Variants in TSC1 observed in about 807,000 individuals in gnomAD.
TSC1 encodes TSC complex subunit 1.
TSC1 carries 20 observed loss-of-function variants against 124.3 expected under a neutral mutation model. That is an observed-to-expected ratio of 0.16 (90% CI 0.11 to 0.23). The LOEUF (loss-of-function observed/expected upper bound fraction) is 0.23. TSC1 is among the 10% of genes least tolerant of loss of function. TSC1 has a pLI of 1.00. For missense variants in TSC1, 1,124 were observed against 1,448.5 expected (o/e 0.78, Z 3.64); for synonymous variants, 493 against 539.1 (o/e 0.91, Z 1.19).
chr9:132,897,126 C>G, intron 22 of TSC1, 58 bp downstream of exon 22: 2 of 1,611,558 alleles, frequency 1.2e-6, no homozygotes, highest in Non-Finnish European at 8.5e-7. Context: ...GTGACACAGT[C>G]CTTATGCTGG....
At position 132,905,805 on chromosome 9, in the gene TSC1, C is replaced by A. The variant is rs146578402; in HGVS notation, c.1773G>T (p.Pro591=). 6.2e-7 allele frequency: 1 copy of A among 1,614,214 alleles called. No homozygotes were observed. Among genetic ancestry groups the A allele is most frequent in the Non-Finnish European group, 8.5e-7 (1 of 1,180,042 alleles). The change falls in exon 15 of 23, where the codon CCG becomes CCT. Residue 591 remains proline (P), a synonymous_variant. Coordinates refer to ENST00000298552, the MANE Select transcript of TSC1 (RefSeq NM_000368.5). ...FTPSPCKIPP[P]TRVGFGSGQP... is the part of the protein sequence containing the mutation. The stretch of plus-strand genomic sequence containing the variant: ...GCCCGCTTCCAAAGCCCACTCTCGT[C>A]GGAGGTGGAATTTTACAAGGACTGG...
chr9:132,913,782 C>T (rs1370961370), intron 8 of TSC1, among the ~76,000 whole-genome samples: 5 of 141,874 alleles, frequency 3.5e-5, no homozygotes, highest in Admixed American at 1.4e-4. Flanking sequence ...GCCGAGATTA[C>T]GCCACTGCAC....
At chr9:132,940,886 G>T (rs1847702603) in intron 1 of TSC1, 1 of 152,280 alleles carries the variant, frequency 6.6e-6, no homozygotes, top group East Asian at 1.9e-4. Flanking sequence ...TACAGTTCAA[G>T]TTTGTTACTA....
Position 132,900,843 on chromosome 9 carries a change from C to CA in TSC1, c.2503-7dup. 1 of 1,613,858 alleles carries CA rather than the reference C, an allele frequency of 6.2e-7. No homozygotes were observed. Among genetic ancestry groups the CA allele is most frequent in the South Asian group, 1.1e-5 (1 of 91,068 alleles). ...ACCGACTCACTGTTTGAGAGCTAAC[C>CA]AAAAAACATGAGCAAAGTGAAAAAT... On this transcript the variant is annotated splice_region_variant and splice_polypyrimidine_tract_variant and intron_variant, in intron 19 of 22. Coordinates refer to ENST00000298552, the MANE Select transcript of TSC1 (RefSeq NM_000368.5).
Position 132,900,825 on chromosome 9 carries a change from C to T in TSC1, c.2515G>A (p.Glu839Lys), listed in dbSNP as rs2131689008. The change falls in exon 20 of 23, where the codon GAG becomes AAG. Residue 839 changes from glutamate to lysine, a missense_variant. This residue lies in a region of TSC1 where 6 missense variants were observed against 26.6 expected (regional missense o/e 0.23). Transcript: ENST00000298552. ...AACTCCATCTGCTGCTGGACCGACT[C>T]ACTGTTTGAGAGCTAACCAAAAAAC... ...SQVSQKLSNS[E>K]SVQQQMEFLN... 1.9e-6 allele frequency: 3 copies of T among 1,614,114 alleles called. No individual in the cohort carries two copies. The highest frequency in any genetic ancestry group is 2.5e-6 in the Non-Finnish European group (3 of 1,179,996).
chr9:132,915,371 T>C (rs1846222767), intron 8 of TSC1, among the ~76,000 whole-genome samples: 1 of 152,002 alleles, frequency 6.6e-6, no homozygotes, highest in South Asian at 2.1e-4. Flanking sequence ...AATATAATCT[T>C]AAAAGAAAAA....
upstream of TSC1, chr9:132,944,825 G>T (rs1453748214): frequency 1.0e-5 from 4 of 384,450 alleles, no homozygotes; most frequent in African/African-American, 6.2e-5. Context: ...GAGGGGGGCG[G>T]GGCCGGGCGG....
At chr9:132,908,066 G>A (rs182211560) in intron 12 of TSC1, among the ~76,000 whole-genome samples, 13 of 152,262 alleles carry the variant, frequency 8.5e-5, no homozygotes, top group Admixed American at 7.2e-4. Flanking sequence ...CAGCCTGGGC[G>A]ACAGAGTGAG....
intron 1 of TSC1, among the ~76,000 whole-genome samples, chr9:132,936,225 C>G (rs1242716443): frequency 2.0e-5 from 3 of 152,186 alleles, no homozygotes; most frequent in African/African-American, 7.2e-5. Flanking sequence ...AGTGATCCTC[C>G]CACCTCAGCC....
intron 1 of TSC1, among the ~76,000 whole-genome samples, chr9:132,938,849 G>A (rs1564513182): frequency 6.6e-6 from 1 of 152,164 alleles, no homozygotes; most frequent in Admixed American, 6.5e-5. Flanking sequence ...AACAAGTGCT[G>A]TGATATGTGG....
In TSC1 at chr9:132,928,931, C is replaced by A; in HGVS notation, c.-59G>T. 1 of 1,609,672 alleles carries A rather than the reference C, an allele frequency of 6.2e-7. No homozygotes were observed. The highest frequency in any genetic ancestry group is 1.1e-5 in the South Asian group (1 of 90,698). On this transcript the variant is annotated 5_prime_UTR_variant, in exon 3 of 23. Transcript: ENST00000298552. ...ACGTGTGCTACAGGTTCTGAAGGTT[C>A]TTCATTGGGGCCACTACCAAACTGA...
chr9:132,939,591 C>T (rs970211456), intron 1 of TSC1, among the ~76,000 whole-genome samples: 1 of 152,198 alleles, frequency 6.6e-6, no homozygotes, highest in Non-Finnish European at 1.5e-5. Flanking sequence ...ATAAATAATG[C>T]TTACGTTTTG....
rs985885203 is a variant in TSC1, at chr9:132,896,999, C to T, written c.2975+185G>A. On this transcript the variant is annotated intron_variant, in intron 22 of 22. Transcript: ENST00000298552. This position sits in a 1 kb window ranked among gnomAD's most constrained non-coding sequence, Gnocchi z 4.5. ...ATGGAGGGACTCAAGGCCAGGAACA[C>T]GAACACGAAGAGATCACTGGGCGTT... Among the ~76,000 whole-genome samples the T allele has an allele frequency of 1.3e-5, 2 of 152,182 alleles. No individual in the cohort carries two copies. The highest frequency in any genetic ancestry group is 2.9e-5 in the Non-Finnish European group (2 of 68,032).
In TSC1 at chr9:132,912,375, C is replaced by T. The variant is rs1389310342; in HGVS notation, c.820G>A (p.Gly274Ser). 6.2e-7 allele frequency: 1 copy of T among 1,614,144 alleles called. No homozygotes were observed. The highest frequency in any genetic ancestry group is 1.7e-5 in the Admixed American group (1 of 60,004). The change falls in exon 9 of 23, where the codon GGC (glycine) becomes AGC (serine). Residue 274 changes from glycine (G) to serine (S), a missense_variant. Coordinates refer to ENST00000298552, the MANE Select transcript of TSC1 (RefSeq NM_000368.5). ...GAGATTTGGTGAGACACAGAATAGC[C>T]ATCTTCATATGAGGCTTCTGTGGGA... ...LDPTEASYEDGYSVSHQISAR... is the reference protein window; with the variant it reads ...LDPTEASYEDSYSVSHQISAR...
Position 132,903,646 on chromosome 9 carries a change from C to G in TSC1, c.2208+5G>C. ...AGCTCCACCTGTCCCCTCCCCAGTC[C>G]TCACCATGGCAGCATTATGTTCCTC... On this transcript the variant is annotated splice_donor_5th_base_variant and intron_variant, in intron 17 of 22. Coordinates refer to ENST00000298552, the MANE Select transcript of TSC1 (RefSeq NM_000368.5). The surrounding 1 kb of genome is among the most constrained non-coding windows in gnomAD (Gnocchi z 5.9). 1 of 1,612,176 alleles carries G rather than the reference C, an allele frequency of 6.2e-7. No homozygotes were observed. Among genetic ancestry groups the G allele is most frequent in the Non-Finnish European group, 8.5e-7 (1 of 1,179,870 alleles).
At chr9:132,912,856 T>C (rs571719260) in intron 8 of TSC1, 1 of 219,544 alleles carries the variant, frequency 4.6e-6, no homozygotes, top group South Asian at 6.3e-5. Flanking sequence ...AGGTCTCCTA[T>C]CAAGGCCTCA....
At chr9:132,936,474 G>A (rs1847463066) in intron 1 of TSC1, among the ~76,000 whole-genome samples, 1 of 152,158 alleles carries the variant, frequency 6.6e-6, no homozygotes, top group Non-Finnish European at 1.5e-5. Flanking sequence ...CATGACTTAA[G>A]TTTACTACAA....
intron 12 of TSC1, among the ~76,000 whole-genome samples, chr9:132,907,571 C>T (rs1264999009): frequency 6.6e-6 from 1 of 152,092 alleles, no homozygotes; most frequent in Non-Finnish European, 1.5e-5. Flanking sequence ...CTCACTGCAA[C>T]CTCCGCCTCC....
intron 8 of TSC1, among the ~76,000 whole-genome samples, chr9:132,919,859 G>A (rs1846453918): frequency 6.6e-6 from 1 of 152,182 alleles, no homozygotes; most frequent in African/African-American, 2.4e-5. Flanking sequence ...AGAGCCAGGT[G>A]ACCCTGGCCT....
Sources: gnomAD v4.1 joint callset for allele counts (sites outside exome capture counted in the v4.1 genomes callset) on GRCh38, gnomAD v4.1.1 for gene constraint, gnomAD v4.1.1 regional missense constraint, Gnocchi (gnomAD v3.1) non-coding constraint, MANE v1.5 for transcripts, NCBI Gene and HGNC (gene_info 2026-07-23, HGNC 2026-07-21) for gene names.